Variants in MACROD2 observed in about 807,000 individuals in gnomAD.
The protein encoded by MACROD2 is ADP-ribose glycohydrolase MACROD2.
MACROD2 carries 36 observed loss-of-function variants against 70.4 expected under a neutral mutation model. The observed-to-expected ratio is 0.51, with a 90% CI of 0.39 to 0.68. MACROD2 has a LOEUF of 0.68. Ranked by LOEUF, MACROD2 falls within the 30% of genes least tolerant of loss-of-function variation. The probability of loss-of-function intolerance (pLI) is 0.00; values close to 1 mark genes in which losing one functional copy is unlikely to be tolerated. For synonymous variants in MACROD2, 172 were observed against 178.8 expected, an observed-to-expected ratio of 0.96 and a Z score of 0.30; for missense variants, 496 against 538.4, an observed-to-expected ratio of 0.92 and a Z score of 0.78.
At chr20:14,782,816 C>G (rs2072318676) in intron 5 of MACROD2, among the ~76,000 whole-genome samples, 1 of 152,110 alleles carries the variant, frequency 6.6e-6, no homozygotes, top group South Asian at 2.1e-4. Context: ...CAGTCTCTAT[C>G]CCAGGTGCTG....
chr20:15,689,371 A>G (rs1242259418), intron 8 of MACROD2, among the ~76,000 whole-genome samples: 1 of 152,158 alleles, frequency 6.6e-6, no homozygotes, highest in Non-Finnish European at 1.5e-5. Context: ...GGAGTCACAC[A>G]ATAAATCTGG....
intron 10 of MACROD2, among the ~76,000 whole-genome samples, chr20:15,925,930 G>T (rs1184151492): frequency 5.3e-5 from 8 of 152,288 alleles, no homozygotes; most frequent in Non-Finnish European, 1.5e-5. Flanking sequence ...TGTTAATGGG[G>T]CATGGATGCA....
At chr20:14,771,438 G>T (rs2072164070) in intron 5 of MACROD2, among the ~76,000 whole-genome samples, 1 of 151,794 alleles carries the variant, frequency 6.6e-6, no homozygotes, top group African/African-American at 2.4e-5. Context: ...ATTTTTAATA[G>T]AAGAACAAAA....
At chr20:14,127,771 G>C in intron 3 of MACROD2, 1 of 442,386 alleles carries the variant, frequency 2.3e-6, no homozygotes, top group Non-Finnish European at 4.4e-6. Context: ...GGAGGAGCAG[G>C]AGAAGAAGAG....
chr20:15,150,466 A>AAATGGGG (rs1332533504), intron 5 of MACROD2, among the ~76,000 whole-genome samples: 2 of 152,040 alleles, frequency 1.3e-5, no homozygotes, highest in Non-Finnish European at 2.9e-5. Context: ...TGGACAGGTA[A>AAATGGGG]AATGGGGGAA....
intron 5 of MACROD2, among the ~76,000 whole-genome samples, chr20:15,167,026 G>GA (rs200402869): frequency 1.3e-5 from 2 of 151,022 alleles, no homozygotes; most frequent in African/African-American, 2.4e-5. Context: ...AAATTTAGGG[G>GA]AAAAATACTA....
intron 3 of MACROD2, among the ~76,000 whole-genome samples, chr20:14,456,238 A>G (rs1351400673): frequency 6.6e-6 from 1 of 151,914 alleles, no homozygotes; most frequent in Non-Finnish European, 1.5e-5. Flanking sequence ...ATCTTTCAGT[A>G]ATAGATCCCA....
intron 3 of MACROD2, among the ~76,000 whole-genome samples, chr20:14,288,295 TGTGA>T (rs1206842820): frequency 7.9e-5 from 12 of 152,152 alleles, no homozygotes; most frequent in Non-Finnish European, 1.8e-4. Context: ...GTATGGCCAT[TGTGA>T]GTAAGTGTGG....
chr20:15,027,701 T>A (rs1210058995), intron 5 of MACROD2, among the ~76,000 whole-genome samples: 1 of 142,960 alleles, frequency 7.0e-6, no homozygotes, highest in Non-Finnish European at 1.5e-5. Flanking sequence ...AGTAGGACTC[T>A]CTAATTAAAA....
intron 5 of MACROD2, among the ~76,000 whole-genome samples, chr20:15,074,628 C>T (rs1221570947): frequency 6.6e-6 from 1 of 152,168 alleles, no homozygotes; most frequent in Non-Finnish European, 1.5e-5. Context: ...GTATCTGGCA[C>T]TATCTCCAGG....
chr20:15,123,857 T>C (rs1363599913), intron 5 of MACROD2, among the ~76,000 whole-genome samples: 1 of 152,186 alleles, frequency 6.6e-6, no homozygotes, highest in African/African-American at 2.4e-5. Flanking sequence ...CACATACAAA[T>C]GTATATGTGT....
At chr20:15,198,481 A>G (rs902043609) in intron 5 of MACROD2, among the ~76,000 whole-genome samples, 10 of 152,166 alleles carry the variant, frequency 6.6e-5, no homozygotes, top group African/African-American at 1.9e-4. Context: ...GACACTTGGC[A>G]TTTTTATTAT....
chr20:15,969,728 A>G (rs1280045375), intron 13 of MACROD2, among the ~76,000 whole-genome samples: 1 of 152,088 alleles, frequency 6.6e-6, no homozygotes, highest in Non-Finnish European at 1.5e-5. Context: ...TATCACAAGT[A>G]CAGTTGGAGT....
At chr20:15,362,548 A>G (rs1044454977) in intron 6 of MACROD2, among the ~76,000 whole-genome samples, 1 of 151,380 alleles carries the variant, frequency 6.6e-6, no homozygotes, top group Non-Finnish European at 1.5e-5. Flanking sequence ...CATCGATACA[A>G]TTTTTTTTTC....
At chr20:14,634,588 C>G (rs969973622) in intron 4 of MACROD2, among the ~76,000 whole-genome samples, 1 of 133,352 alleles carries the variant, frequency 7.5e-6, no homozygotes, top group Admixed American at 8.6e-5. Context: ...ATGGTCCTGT[C>G]AGCAGAACTG....
Position 14,431,553 on chromosome 20 carries a change from A to G in MACROD2, c.272-61926A>G, listed in dbSNP as rs888748048. 2.0e-5 allele frequency among the ~76,000 whole-genome samples: 3 copies of G among 152,208 alleles called. No homozygotes were observed. The East Asian group carries it at 5.8e-4, about 29-fold the overall frequency. On this transcript the variant is annotated intron_variant, in intron 3 of 17. Transcript: ENST00000684519. ...TTTTTACAAGTAAAATTATGTCAAG[A>G]AAGAAATTCAGCTGTCAATCTGAAT...
At chr20:14,064,447 T>G (rs564956731) in intron 2 of MACROD2, among the ~76,000 whole-genome samples, 3 of 152,298 alleles carry the variant, frequency 2.0e-5, no homozygotes, top group African/African-American at 2.4e-5. Context: ...AGGACTGACT[T>G]AATTATCTTC....
At chr20:15,700,041 T>G (rs952280063) in intron 8 of MACROD2, among the ~76,000 whole-genome samples, 7 of 151,622 alleles carry the variant, frequency 4.6e-5, no homozygotes, top group African/African-American at 1.7e-4. Context: ...CCAGTGGGGG[T>G]GTGTGTTTGG....
intron 8 of MACROD2, among the ~76,000 whole-genome samples, chr20:15,608,108 A>G (rs1392617812): frequency 6.6e-6 from 1 of 152,236 alleles, no homozygotes; most frequent in Admixed American, 6.5e-5. Context: ...GTTACAGGGC[A>G]TGATATTCTT....
Sources: allele counts gnomAD v4.1 joint callset (sites outside exome capture counted in the v4.1 genomes callset), GRCh38; gene constraint gnomAD v4.1.1; transcripts MANE v1.5; gene names NCBI Gene and HGNC (gene_info 2026-07-23, HGNC 2026-07-21).